Variants in NDST4 observed in about 807,000 individuals in gnomAD.
NDST4 encodes N-heparan sulfate sulfotransferase 4.
Under a neutral mutation model 100.8 loss-of-function variants are expected in NDST4, and 63 were observed. That is an observed-to-expected ratio of 0.62 (90% CI 0.51 to 0.77). The LOEUF (loss-of-function observed/expected upper bound fraction) is 0.77, where lower values mean the gene tolerates loss of function less well. Ranked by LOEUF, NDST4 falls within the 30% of genes least tolerant of loss-of-function variation. The pLI is 0.00. For missense variants in NDST4, 943 were observed against 1,018.4 expected, an observed-to-expected ratio of 0.93 and a Z score of 1.01; for synonymous variants, 377 against 361.8, an observed-to-expected ratio of 1.04 and a Z score of -0.48.
At chr4:115,108,724 T>C (rs1729881306) in intron 1 of NDST4, among the ~76,000 whole-genome samples, 1 of 151,960 alleles carries the variant, frequency 6.6e-6, no homozygotes. Context: ...TATGTTAAAG[T>C]CAACATCACT....
At chr4:114,841,548 C>T (rs1313881483) in intron 10 of NDST4, among the ~76,000 whole-genome samples, 1 of 152,156 alleles carries the variant, frequency 6.6e-6, no homozygotes, top group Admixed American at 6.6e-5. Context: ...TAAAGATTCT[C>T]TTTTATTGAA....
intron 2 of NDST4, among the ~76,000 whole-genome samples, chr4:114,990,666 C>A (rs1727017416): frequency 6.6e-6 from 1 of 152,110 alleles, no homozygotes; most frequent in Non-Finnish European, 1.5e-5. Context: ...TCAAGCAAGA[C>A]AGATATATTT....
chr4:114,935,976 C>T (rs1725620574), intron 5 of NDST4, among the ~76,000 whole-genome samples: 1 of 150,982 alleles, frequency 6.6e-6, no homozygotes, highest in Non-Finnish European at 1.5e-5. Flanking sequence ...ACAAATGCAT[C>T]TAATTGCCTA....
intron 13 of NDST4, 94 bp downstream of exon 13, chr4:114,829,696 G>A: frequency 2.6e-6 from 2 of 757,300 alleles, no homozygotes; most frequent in Non-Finnish European, 4.3e-6. Context: ...CAAAGGAAGA[G>A]CAGAAAAAGG....
At chr4:115,100,805 CTTTTT>C (rs58968400) in intron 1 of NDST4, among the ~76,000 whole-genome samples, 1 of 147,696 alleles carries the variant, frequency 6.8e-6, no homozygotes, top group African/African-American at 2.5e-5. Flanking sequence ...TGCTTCACTC[CTTTTT>C]TTTTTTTTTC....
At chr4:114,962,773 T>G (rs1726293231) in intron 4 of NDST4, among the ~76,000 whole-genome samples, 2 of 152,070 alleles carry the variant, frequency 1.3e-5, no homozygotes, top group Admixed American at 1.3e-4. Flanking sequence ...ACTGTCAAAA[T>G]CCCAGTTGTT....
At chr4:114,871,489 C>T (rs1028354237) in intron 6 of NDST4, among the ~76,000 whole-genome samples, 1 of 151,984 alleles carries the variant, frequency 6.6e-6, no homozygotes, top group Non-Finnish European at 1.5e-5. Flanking sequence ...TTTTCATACC[C>T]CAATATTAAC....
chr4:114,912,150 G>A (rs1360497272), intron 6 of NDST4, among the ~76,000 whole-genome samples: 1 of 152,140 alleles, frequency 6.6e-6, no homozygotes, highest in Admixed American at 6.5e-5. Context: ...TAGATGCTAA[G>A]TTTTTTCAGG....
At chr4:114,956,537 A>G (rs957283981) in intron 4 of NDST4, among the ~76,000 whole-genome samples, 1 of 152,224 alleles carries the variant, frequency 6.6e-6, no homozygotes, top group African/African-American at 2.4e-5. Context: ...TTGGGTCAGT[A>G]AAAGCCTCAT....
chr4:115,038,546 C>G lies in NDST4; in HGVS notation c.978+37513G>C, dbSNP rs543558669. 5.9e-5 allele frequency among the ~76,000 whole-genome samples: 9 copies of G among 152,208 alleles called. No individual in the cohort carries two copies. In the South Asian group the frequency reaches 1.9e-3, roughly 32 times the overall value. On this transcript the variant is annotated intron_variant, in intron 2 of 13. Coordinates refer to ENST00000264363, the MANE Select transcript of NDST4 (RefSeq NM_022569.3). ...TTAATATTCAACAAATTTAAAAGCC[C>G]TGAGGTACCCTATCTCTAATATCAA...
chr4:114,880,272 T>A lies in NDST4; in HGVS notation c.1537-9322A>T, dbSNP rs184128377. On this transcript the variant is annotated intron_variant, in intron 6 of 13. Transcript: ENST00000264363. ...TTTAGTAGGCAAGTCAGAACTGGGATTTTAGATGTCATGGCAATTACATTT... is the reference window on the plus strand; with the variant it reads ...TTTAGTAGGCAAGTCAGAACTGGGAATTTAGATGTCATGGCAATTACATTT... Among the ~76,000 whole-genome samples, 14 of 152,280 alleles carry A rather than the reference T, an allele frequency of 9.2e-5. No individual in the cohort carries two copies. The East Asian group carries it at 2.7e-3, about 29-fold the overall frequency.
chr4:114,890,435 C>T (rs2126205858), intron 6 of NDST4, among the ~76,000 whole-genome samples: 1 of 152,194 alleles, frequency 6.6e-6, no homozygotes, highest in Non-Finnish European at 1.5e-5. Context: ...AATTGCCTTA[C>T]TCCTTTATAG....
chr4:114,843,809 C>A (rs114619949), intron 10 of NDST4, among the ~76,000 whole-genome samples: 1 of 152,138 alleles, frequency 6.6e-6, no homozygotes, highest in Non-Finnish European at 1.5e-5. Flanking sequence ...CATCTCTAAA[C>A]TCTTTCCTTA....
chr4:114,910,923 A>G (rs995262338), intron 6 of NDST4, among the ~76,000 whole-genome samples: 4 of 152,146 alleles, frequency 2.6e-5, no homozygotes, highest in Admixed American at 1.3e-4. Context: ...ATTGTTTCTC[A>G]TTATCTCCAT....
intron 7 of NDST4, among the ~76,000 whole-genome samples, chr4:114,863,904 T>C (rs2126193966): frequency 6.6e-6 from 1 of 152,346 alleles, no homozygotes; most frequent in East Asian, 1.9e-4. Context: ...GAAGCACCCT[T>C]GGATATTTCC....
At position 115,013,892 on chromosome 4, in the gene NDST4, C is replaced by A. The variant is rs114374930; in HGVS notation, c.979-36618G>T. 8.2e-3 allele frequency among the ~76,000 whole-genome samples: 1,244 copies of A among 152,100 alleles called. 7 individuals are homozygous for A. The highest frequency in any genetic ancestry group is 0.013 in the Non-Finnish European group (913 of 67,958). On this transcript the variant is annotated intron_variant, in intron 2 of 13. Coordinates refer to ENST00000264363, the MANE Select transcript of NDST4 (RefSeq NM_022569.3). ...CTGGAGGAATTGCAGAGATTAGTTTCACTATCAAGAACATGAAAGATGCAG... is the reference window on the plus strand; with the variant it reads ...CTGGAGGAATTGCAGAGATTAGTTTAACTATCAAGAACATGAAAGATGCAG...
In NDST4 at chr4:114,948,935, T is replaced by C. The variant is rs139468638; in HGVS notation, c.1222-11432A>G. 3.1e-4 allele frequency among the ~76,000 whole-genome samples: 47 copies of C among 152,218 alleles called. No individual in the cohort carries two copies. In the East Asian group the frequency reaches 3.7e-3, roughly 12 times the overall value. The stretch of plus-strand genomic sequence containing the variant: ...GCAGAGAAAGAGTTGTTTTAACTAA[T>C]AGTTTGGAGGGATTATCCAATTTAA... On this transcript the variant is annotated intron_variant, in intron 4 of 13. Transcript: ENST00000264363.
At chr4:114,865,927 GGTATATA>G (rs1724017175) in intron 7 of NDST4, among the ~76,000 whole-genome samples, 1 of 151,874 alleles carries the variant, frequency 6.6e-6, no homozygotes, top group Non-Finnish European at 1.5e-5. Flanking sequence ...ATTCCTGAAA[GGTATATA>G]ACATACTATC....
At chr4:114,937,255 C>T in intron 5 of NDST4, 63 bp downstream of exon 5, 5 of 1,557,172 alleles carry the variant, frequency 3.2e-6, no homozygotes, top group African/African-American at 1.4e-5. Flanking sequence ...GGAAATGGCC[C>T]TCTGTCTTCA....
Sources: allele counts gnomAD v4.1 joint callset (sites outside exome capture counted in the v4.1 genomes callset), GRCh38; gene constraint gnomAD v4.1.1; transcripts MANE v1.5; gene names NCBI Gene and HGNC (gene_info 2026-07-23, HGNC 2026-07-21).